The following ATP13A4 variants were observed in gnomAD, a reference collection of about 807,000 sequenced individuals.
ATP13A4 encodes the protein probable cation-transporting ATPase 13A4.
In ATP13A4, 114 loss-of-function variants were observed where a neutral mutation model predicts 142.5. The observed-to-expected ratio is 0.80, with a 90% CI of 0.69 to 0.93. The LOEUF (loss-of-function observed/expected upper bound fraction) is 0.93, where lower values mean the gene tolerates loss of function less well. Among genes scored for constraint, ATP13A4 ranks in the 40% least tolerant of loss-of-function variants. ATP13A4 has a pLI of 0.00. For missense variants in ATP13A4, 1,392 were observed against 1,454.0 expected (o/e 0.96, Z 0.69); for synonymous variants, 488 against 514.8 (o/e 0.95, Z 0.70).
intron 2 of ATP13A4, among the ~76,000 whole-genome samples, chr3:193,509,078 G>GA (rs1385328151): frequency 2.6e-5 from 4 of 151,616 alleles, no homozygotes; most frequent in South Asian, 2.1e-4. Flanking sequence ...AGCACAGTGA[G>GA]AAAAAAAAGA....
chr3:193,407,433 G>T, intron 28 of ATP13A4, 40 bp from the exon 29 acceptor site: 1 of 1,489,056 alleles, frequency 6.7e-7, no homozygotes, highest in South Asian at 1.1e-5. Flanking sequence ...CTGAAGACAC[G>T]CAGATGCTGG....
At chr3:193,540,437 T>C (rs1158567379) in intron 1 of ATP13A4, among the ~76,000 whole-genome samples, 3 of 149,458 alleles carry the variant, frequency 2.0e-5, no homozygotes, top group Admixed American at 6.8e-5. Flanking sequence ...CTTAGATCTT[T>C]ACTCCTGACA....
intron 29 of ATP13A4, chr3:193,404,168 T>C: frequency 3.0e-6 from 3 of 985,270 alleles, no homozygotes; most frequent in Non-Finnish European, 3.6e-6. Context: ...TTCTTAGAGC[T>C]GGGATAAGGC....
chr3:193,460,395 G>A (rs1013943860), intron 13 of ATP13A4, among the ~76,000 whole-genome samples: 1 of 152,120 alleles, frequency 6.6e-6, no homozygotes, highest in Admixed American at 6.5e-5. Context: ...CCTTTGTTTT[G>A]AAAGCAAACA....
rs1435863738 is a variant in ATP13A4 at position 193,438,364 on chromosome 3, C to T, written c.2672+111G>A. On this transcript the variant is annotated intron_variant, in intron 23 of 29. Transcript: ENST00000342695. The stretch of plus-strand genomic sequence containing the variant: ...CTTGACTGCATTCTTCCACAAAACA[C>T]CCTCCGCACCCAGGGACAGAAAGTT... 3.4e-6 allele frequency: 3 copies of T among 878,470 alleles called. No homozygotes were observed. The African/African-American group carries it at 5.0e-5, about 15-fold the overall frequency. The allele number at this position is 878,470 out of a possible 1,614,324, so 54.4% of individuals were successfully genotyped here.
chr3:193,414,644 C>T lies in ATP13A4; in HGVS notation c.2949G>A (p.Leu983=). 6.2e-7 allele frequency: 1 copy of T among 1,614,086 alleles called. No individual in the cohort carries two copies. Among genetic ancestry groups the T allele is most frequent in the Non-Finnish European group, 8.5e-7 (1 of 1,180,012 alleles). Residue 983 remains leucine, a synonymous_variant, in exon 26 of 30, where the codon CTG becomes CTA. Transcript: ENST00000342695. ...GGATGAAGCCTGCAATATGCATGGC[C>T]AGGCTGAGAAGAATGTTGAAAATCA... ...LSVIFNILLS[L]AMHIAGFILV...
rs142888894 is a variant in ATP13A4, at chr3:193,402,883, A to T, written c.3379-19T>A. On this transcript the variant is annotated intron_variant, in intron 29 of 29. Transcript: ENST00000342695. ...CAGCCTCCTGCAAAATAAAATAATT[A>T]CTTTTTACAAGCAAGGGTTGAGTGT... The T allele has an allele frequency of 1.9e-5, 31 of 1,609,442 alleles. No homozygotes were observed. The highest frequency in any genetic ancestry group is 3.3e-5 in the Admixed American group (2 of 59,836).
intron 16 of ATP13A4, among the ~76,000 whole-genome samples, chr3:193,454,455 A>T (rs1717467718): frequency 6.6e-6 from 1 of 152,214 alleles, no homozygotes; most frequent in African/African-American, 2.4e-5. Context: ...AAAGTGTAAA[A>T]TTCTTTTTTC....
At position 193,489,747 on chromosome 3, in the gene ATP13A4, C is replaced by G. The variant is rs1345575429; in HGVS notation, c.721G>C (p.Val241Leu). 9.3e-6 allele frequency: 15 copies of G among 1,609,512 alleles called. No individual in the cohort carries two copies. Among genetic ancestry groups the G allele is most frequent in the Non-Finnish European group, 1.3e-5 (15 of 1,176,036 alleles). Residue 241 changes from valine (V) to leucine (L), a missense_variant, in exon 7 of 30, where the codon GTA (valine) becomes CTA (leucine). Transcript: ENST00000342695. The stretch of plus-strand genomic sequence containing the variant: ...AAACTCACCTCTCTGAGATCATATA[C>G]TGTCAAAGATATGGAAATTATGGAC... ...IMSIISISLT[V>L]YDLREQSVKL...
chr3:193,422,404 A>G (rs1439096090), intron 25 of ATP13A4, among the ~76,000 whole-genome samples: 1 of 146,976 alleles, frequency 6.8e-6, no homozygotes, highest in Non-Finnish European at 1.5e-5. Flanking sequence ...AAAACTTTCT[A>G]TTCAATAACA....
intron 29 of ATP13A4, among the ~76,000 whole-genome samples, chr3:193,405,678 C>G (rs1225568172): frequency 6.6e-6 from 1 of 152,066 alleles, no homozygotes; most frequent in Admixed American, 6.6e-5. Flanking sequence ...AGTCCTGAAG[C>G]CACCTACCTT....
At chr3:193,555,300 T>C (rs1383692812), upstream of ATP13A4, among the ~76,000 whole-genome samples, 1 of 152,234 alleles carries the variant, frequency 6.6e-6, no homozygotes, top group Non-Finnish European at 1.5e-5. Flanking sequence ...TTTTCTTTGA[T>C]GAATGAAAGC....
intron 10 of ATP13A4, 120 bp from the exon 11 acceptor site, chr3:193,466,302 G>C (rs1718283199): frequency 8.0e-7 from 1 of 1,254,838 alleles, no homozygotes; most frequent in Non-Finnish European, 1.2e-6. Context: ...TAAGCTCAAA[G>C]GCAATTGAAA....
chr3:193,469,700 G>A (rs1718507469), intron 9 of ATP13A4, among the ~76,000 whole-genome samples: 1 of 152,192 alleles, frequency 6.6e-6, no homozygotes, highest in South Asian at 2.1e-4. Context: ...TACCAGTGCA[G>A]TGGGAGGGGA....
chr3:193,532,764 G>A (rs138894325), intron 1 of ATP13A4, among the ~76,000 whole-genome samples: 1 of 152,050 alleles, frequency 6.6e-6, no homozygotes, highest in Non-Finnish European at 1.5e-5. Flanking sequence ...TATACAAAAG[G>A]GTAAATCATA....
chr3:193,561,725 C>A (rs77285969), intron 2 of ATP13A4, among the ~76,000 whole-genome samples: 3,176 of 152,290 alleles, frequency 0.021, 103 homozygotes, highest in African/African-American at 0.071. Flanking sequence ...CACAGTCCAT[C>A]AACCCTGCCA....
Position 193,554,856 on chromosome 3 carries a change from A to G in ATP13A4, c.-57T>C. On this transcript the variant is annotated 5_prime_UTR_variant, in exon 1 of 30. Coordinates refer to ENST00000342695, the MANE Select transcript of ATP13A4 (RefSeq NM_032279.4). ...TTGTCGTGCAGACGCTTCCAGGATG[A>G]ACTCCAACTCGCCGAGCCACCGCAG... 1 of 1,613,396 alleles carries G rather than the reference A, an allele frequency of 6.2e-7. No homozygotes were observed. Among genetic ancestry groups the G allele is most frequent in the African/African-American group, 1.3e-5 (1 of 74,982 alleles).
intron 1 of ATP13A4, among the ~76,000 whole-genome samples, chr3:193,585,882 T>C (rs1195658542): frequency 1.3e-5 from 2 of 152,308 alleles, no homozygotes; most frequent in East Asian, 1.9e-4. Flanking sequence ...AGGGGAAGTG[T>C]ATATTTAACT....
rs1322425765 is a variant in ATP13A4, at chr3:193,399,666, A to T, written c.*2986T>A. Reference sequence around the variant, plus strand: ...GATTGAAACCACCCTGGCTAACATGATGAAACCCCATCTCTACTAAAAATA... The same window carrying T: ...GATTGAAACCACCCTGGCTAACATGTTGAAACCCCATCTCTACTAAAAATA... On this transcript the variant is annotated 3_prime_UTR_variant, in exon 30 of 30. Coordinates refer to ENST00000342695, the MANE Select transcript of ATP13A4 (RefSeq NM_032279.4). Among the ~76,000 whole-genome samples the T allele has an allele frequency of 6.6e-6, 1 of 151,798 alleles. No homozygotes were observed. The highest frequency in any genetic ancestry group is 1.5e-5 in the Non-Finnish European group (1 of 67,916).
Sources: gnomAD v4.1 joint callset for allele counts (sites outside exome capture counted in the v4.1 genomes callset) on GRCh38, gnomAD v4.1.1 for gene constraint, MANE v1.5 for transcripts, NCBI Gene and HGNC (gene_info 2026-07-23, HGNC 2026-07-21) for gene names.